FBN2: variants seen among roughly 807,000 people sequenced by gnomAD.
FBN2 encodes the protein fibrillin-2.
In FBN2, 105 loss-of-function variants were observed where a neutral mutation model predicts 355.6. The ratio of observed to expected loss-of-function variants is 0.30; its 90% CI spans 0.25 to 0.35. FBN2 has a LOEUF of 0.35. Among genes scored for constraint, FBN2 ranks in the 10% least tolerant of loss-of-function variants. The pLI, the probability that FBN2 is intolerant of heterozygous loss-of-function variation, is 1.00. For synonymous variants in FBN2, 1,350 were observed against 1,301.2 expected (o/e 1.04, Z -0.81); for missense variants, 3,280 against 3,758.7 (o/e 0.87, Z 3.33).
intron 50 of FBN2, among the ~76,000 whole-genome samples, chr5:128,290,521 T>C (rs1043008010): frequency 3.9e-5 from 6 of 152,152 alleles, no homozygotes; most frequent in Non-Finnish European, 5.9e-5. Flanking sequence ...GGGAATGAAA[T>C]AAAAGGGTAA....
intron 5 of FBN2, among the ~76,000 whole-genome samples, chr5:128,476,741 C>T (rs917612459): frequency 1.5e-4 from 23 of 151,846 alleles, no homozygotes; most frequent in African/African-American, 5.3e-4. Context: ...ACCATATAAA[C>T]AGAGAATGTA....
intron 4 of FBN2, among the ~76,000 whole-genome samples, chr5:128,520,385 C>A (rs1481667607): frequency 6.6e-6 from 1 of 152,108 alleles, no homozygotes; most frequent in Non-Finnish European, 1.5e-5. Flanking sequence ...ATCTACCCAC[C>A]CTGTTGAAAC....
chr5:128,387,960 T>A (rs1752410957), intron 11 of FBN2, among the ~76,000 whole-genome samples: 1 of 152,204 alleles, frequency 6.6e-6, no homozygotes, highest in East Asian at 1.9e-4. Context: ...CCTCTCACTA[T>A]TATTGTGTTG....
intron 8 of FBN2, among the ~76,000 whole-genome samples, chr5:128,400,466 T>C (rs1035059136): frequency 2.0e-5 from 3 of 152,144 alleles, no homozygotes; most frequent in Non-Finnish European, 4.4e-5. Flanking sequence ...ATAGATATAG[T>C]AGACAAAATT....
intron 17 of FBN2, among the ~76,000 whole-genome samples, chr5:128,365,706 CATAT>C (rs746066885): frequency 1.3e-5 from 2 of 149,464 alleles, no homozygotes; most frequent in African/African-American, 2.4e-5. Flanking sequence ...TATACATATT[CATAT>C]ATATAGTGAA....
At chr5:128,454,759 G>A (rs148986635) in intron 6 of FBN2, among the ~76,000 whole-genome samples, 1 of 152,278 alleles carries the variant, frequency 6.6e-6, no homozygotes, top group East Asian at 1.9e-4. Context: ...GGTCTGTATT[G>A]CTATTTCTTT....
At chr5:128,430,047 A>G (rs976504611) in intron 7 of FBN2, among the ~76,000 whole-genome samples, 2 of 152,014 alleles carry the variant, frequency 1.3e-5, no homozygotes, top group Admixed American at 6.5e-5. Context: ...TTATTCTTGC[A>G]TTTCCTTTCC....
chr5:128,441,691 A>G (rs1346393799), intron 7 of FBN2, among the ~76,000 whole-genome samples: 2 of 152,228 alleles, frequency 1.3e-5, no homozygotes, highest in Non-Finnish European at 2.9e-5. Flanking sequence ...TTCAGATACA[A>G]TATGGTAAGT....
At chr5:128,375,218 C>T (rs559912480) in intron 14 of FBN2, among the ~76,000 whole-genome samples, 1 of 152,300 alleles carries the variant, frequency 6.6e-6, no homozygotes, top group South Asian at 2.1e-4. Context: ...CATTAAATGA[C>T]TTCCCCAAAA....
At chr5:128,353,840 G>A (rs1406807979) in intron 20 of FBN2, among the ~76,000 whole-genome samples, 1 of 152,198 alleles carries the variant, frequency 6.6e-6, no homozygotes, top group African/African-American at 2.4e-5. Flanking sequence ...AGCCCATGCA[G>A]TCTGACTCCA....
At chr5:128,350,123 C>T (rs774187027) in intron 21 of FBN2, 118 bp from the exon 22 acceptor site, 68 of 843,816 alleles carry the variant, frequency 8.1e-5, no homozygotes, top group Non-Finnish European at 1.3e-4. Flanking sequence ...AAGGCAGGGT[C>T]TTAGGGTCCA....
chr5:128,332,497 T>C (rs1029779781), intron 32 of FBN2, among the ~76,000 whole-genome samples: 5 of 152,224 alleles, frequency 3.3e-5, no homozygotes, highest in Non-Finnish European at 7.3e-5. Context: ...GAATTCTATT[T>C]TCTAATAAGA....
chr5:128,455,130 C>A (rs1452811751), intron 6 of FBN2, among the ~76,000 whole-genome samples: 3 of 152,032 alleles, frequency 2.0e-5, no homozygotes, highest in African/African-American at 7.2e-5. Context: ...AGAGTAGGTT[C>A]ATGAGACTAA....
At chr5:128,453,500 T>C (rs750455143) in intron 6 of FBN2, among the ~76,000 whole-genome samples, 1 of 152,234 alleles carries the variant, frequency 6.6e-6, no homozygotes, top group Non-Finnish European at 1.5e-5. Context: ...CAAAGCATCA[T>C]TGCTTTAAAT....
chr5:128,532,514 G>C (rs1756735934), intron 2 of FBN2, among the ~76,000 whole-genome samples: 1 of 152,130 alleles, frequency 6.6e-6, no homozygotes, highest in Non-Finnish European at 1.5e-5. Context: ...TCGGCACAAG[G>C]GCTGTGTACT....
rs187608322 is a variant in FBN2, at chr5:128,408,813, G to A, written c.953-14C>T. On this transcript the variant is annotated splice_polypyrimidine_tract_variant and intron_variant, in intron 7 of 64. Transcript: ENST00000262464. Reference sequence around the variant, plus strand: ...ACTCATCAATGTCTAATCAAGGGAAGAAGGAGAAGATGATTGAGAAAGGCC... The same window carrying A: ...ACTCATCAATGTCTAATCAAGGGAAAAAGGAGAAGATGATTGAGAAAGGCC... The A allele has an allele frequency of 1.2e-5, 19 of 1,613,786 alleles. No homozygotes were observed. In the East Asian group the frequency reaches 4.0e-4, roughly 34 times the overall value.
chr5:128,525,254 A>C (rs2112795093), intron 4 of FBN2, among the ~76,000 whole-genome samples: 1 of 152,318 alleles, frequency 6.6e-6, no homozygotes, highest in South Asian at 2.1e-4. Flanking sequence ...GATGTGTTTC[A>C]ACAAGGATAG....
chr5:128,400,567 C>A (rs1752771230), intron 8 of FBN2, among the ~76,000 whole-genome samples: 5 of 152,126 alleles, frequency 3.3e-5, no homozygotes, highest in Admixed American at 1.3e-4. Context: ...GAACACCCAT[C>A]TTTTTCAAGT....
At chr5:128,451,314 A>G (rs1376182995) in intron 6 of FBN2, among the ~76,000 whole-genome samples, 2 of 152,250 alleles carry the variant, frequency 1.3e-5, no homozygotes, top group East Asian at 1.9e-4. Context: ...ACAAAAATCA[A>G]CTATGAATAC....
Sources: allele counts gnomAD v4.1 joint callset (sites outside exome capture counted in the v4.1 genomes callset), GRCh38; gene constraint gnomAD v4.1.1; transcripts MANE v1.5; gene names NCBI Gene and HGNC (gene_info 2026-07-23, HGNC 2026-07-21).